CNTLN: variants seen among roughly 807,000 people sequenced by gnomAD.
CNTLN encodes centlein.
In CNTLN, 212 loss-of-function variants were observed where a neutral mutation model predicts 180.0. That is an observed-to-expected ratio of 1.18 (90% CI 1.05 to 1.32). The LOEUF is 1.32. Among genes scored for constraint, CNTLN ranks in the 40% most tolerant of loss-of-function variants. The pLI is 0.00. For missense variants in CNTLN, 2,095 were observed against 1,610.9 expected, an observed-to-expected ratio of 1.30 and a Z score of -5.14; for synonymous variants, 722 against 563.1, an observed-to-expected ratio of 1.28 and a Z score of -3.99.
At position 17,355,705 on chromosome 9, in the gene CNTLN, A is replaced by G. The variant is rs147359346; in HGVS notation, c.1887-10912A>G. 8.7e-3 allele frequency among the ~76,000 whole-genome samples: 1,332 copies of G among 152,358 alleles called. 14 individuals are homozygous for G. Among genetic ancestry groups the G allele is most frequent in the African/African-American group, 0.029 (1,216 of 41,578 alleles). On this transcript the variant is annotated intron_variant, in intron 12 of 25. Transcript: ENST00000380647. The stretch of plus-strand genomic sequence containing the variant: ...TCTGTAGGTTTAGAAAACAGGCAGT[A>G]TGATTATGTGCAATAATTAATGAGA...
At chr9:17,513,055 G>A in the CNTLN span, among the ~76,000 whole-genome samples, 29 of 152,180 alleles carry the variant, frequency 1.9e-4, no homozygotes, top group East Asian at 5.0e-3. Context: ...TCCTGACCTC[G>A]TGATCCGCCC....
At chr9:17,273,627 A>T (rs1183753959) in intron 5 of CNTLN, 106 bp from the exon 6 acceptor site, 4 of 575,156 alleles carry the variant, frequency 7.0e-6, no homozygotes, top group Non-Finnish European at 8.1e-6. Context: ...GAAAAAATTA[A>T]AACTATTTTT....
intron 2 of CNTLN, among the ~76,000 whole-genome samples, chr9:17,179,063 T>TACAA (rs1820940020): frequency 2.0e-5 from 3 of 150,280 alleles, no homozygotes; most frequent in African/African-American, 7.4e-5. Context: ...GCTAAAACGG[T>TACAA]GAAACCCCGT....
intron 11 of CNTLN, among the ~76,000 whole-genome samples, chr9:17,342,026 C>A (rs544302052): frequency 6.6e-6 from 1 of 151,928 alleles, no homozygotes; most frequent in South Asian, 2.1e-4. Context: ...CGGGGGGGAC[C>A]GTTAAAATTC....
the CNTLN span, among the ~76,000 whole-genome samples, chr9:17,527,929 G>C: frequency 1.3e-5 from 2 of 151,788 alleles, no homozygotes; most frequent in African/African-American, 2.4e-5. Flanking sequence ...GCTAAAACTG[G>C]AACAATTTGA....
chr9:17,309,042 A>G lies in CNTLN; in HGVS notation c.1147-16A>G, dbSNP rs761698480. 4.6e-6 allele frequency: 7 copies of G among 1,514,538 alleles called. No individual in the cohort carries two copies. Among genetic ancestry groups the G allele is most frequent in the Non-Finnish European group, 5.3e-6 (6 of 1,124,738 alleles). The allele number at this position is 1,514,538 out of a possible 1,614,324, so 93.8% of individuals were successfully genotyped here. A position where few individuals can be genotyped will look rare whatever the true frequency, so the allele number is the denominator to read the frequency against. ...TATTGATTATTAATATAATTTGGAT[A>G]TATTTTTTGAAACAGCTTTACAATG... On this transcript the variant is annotated splice_polypyrimidine_tract_variant and intron_variant, in intron 7 of 25. Coordinates refer to ENST00000380647, the MANE Select transcript of CNTLN (RefSeq NM_017738.4).
intron 13 of CNTLN, among the ~76,000 whole-genome samples, chr9:17,367,112 T>G (rs1823891948): frequency 6.6e-6 from 1 of 152,164 alleles, no homozygotes; most frequent in Non-Finnish European, 1.5e-5. Flanking sequence ...AAAGACAGTC[T>G]TAAATTACCA....
At chr9:17,201,987 C>T (rs1822564568) in intron 2 of CNTLN, among the ~76,000 whole-genome samples, 1 of 152,106 alleles carries the variant, frequency 6.6e-6, no homozygotes, top group South Asian at 2.1e-4. Flanking sequence ...TATAAATTTC[C>T]TTCTTAACAC....
At chr9:17,167,041 G>A (rs1217642389) in intron 2 of CNTLN, 1 of 214,542 alleles carries the variant, frequency 4.7e-6, no homozygotes, top group Admixed American at 6.2e-5. Flanking sequence ...GTGATAGATT[G>A]TAATGTTTTT....
intron 6 of CNTLN, among the ~76,000 whole-genome samples, chr9:17,285,304 T>G (rs900307568): frequency 2.0e-5 from 3 of 150,712 alleles, no homozygotes; most frequent in Admixed American, 6.6e-5. Flanking sequence ...GATTTCCAAT[T>G]TCATCCATGT....
intron 14 of CNTLN, among the ~76,000 whole-genome samples, chr9:17,394,002 TTTA>T (rs148167546): frequency 0.025 from 3,794 of 152,248 alleles, 103 homozygotes; most frequent in African/African-American, 0.069. Flanking sequence ...ATTGTTAGAC[TTTA>T]TTATTTAGTA....
chr9:17,525,705 T>C, the CNTLN span, among the ~76,000 whole-genome samples: 2 of 152,124 alleles, frequency 1.3e-5, no homozygotes, highest in Non-Finnish European at 2.9e-5. Flanking sequence ...ATAAAAAATA[T>C]GTTAGCTAAT....
chr9:17,221,511 CA>C (rs1824134490), intron 2 of CNTLN, among the ~76,000 whole-genome samples: 1 of 151,982 alleles, frequency 6.6e-6, no homozygotes, highest in South Asian at 2.1e-4. Context: ...AGATAAAGTG[CA>C]AATGGTAAAA....
rs60102156 is a variant in CNTLN at position 17,318,838 on chromosome 9, TTCCATCCATCCATCCATCCATCCA to T, written c.1341+9604_1341+9627del. Among the ~76,000 whole-genome samples, 790 of 151,424 alleles carry T rather than the reference TTCCATCCATCCATCCATCCATCCA, an allele frequency of 5.2e-3. 5 individuals carry two copies. Among genetic ancestry groups the T allele is most frequent in the Admixed American group, 8.3e-3 (126 of 15,222 alleles). On this transcript the variant is annotated intron_variant, in intron 8 of 25. Coordinates refer to ENST00000380647, the MANE Select transcript of CNTLN (RefSeq NM_017738.4). ...GACTCACCTCTTCATCCATCCTTTA[TTCCATCCATCCATCCATCCATCCA>T]TCCATCCATCCATCCATTAAACCTT...
intron 2 of CNTLN, among the ~76,000 whole-genome samples, chr9:17,216,913 C>G (rs1277941485): frequency 1.3e-5 from 2 of 152,218 alleles, no homozygotes; most frequent in Non-Finnish European, 2.9e-5. Context: ...TGCTGCCAGG[C>G]AGTTCCACCC....
At chr9:17,289,099 AGTC>A (rs1829189244) in intron 6 of CNTLN, among the ~76,000 whole-genome samples, 1 of 119,170 alleles carries the variant, frequency 8.4e-6, no homozygotes, top group African/African-American at 3.8e-5. Context: ...GTTTCTTCCT[AGTC>A]TCCATGGTCT....
rs1232959305 is a variant in CNTLN, at chr9:17,289,516, T to C, written c.984-8674T>C. Among the ~76,000 whole-genome samples the C allele has an allele frequency of 2.2e-5, 3 of 137,762 alleles. 1 individual carries two copies. Among genetic ancestry groups the C allele is most frequent in the Non-Finnish European group, 3.0e-5 (2 of 65,858 alleles). The allele number at this position is 137,762 out of a possible 152,430, so 90.4% of individuals were successfully genotyped here. ...AGTTGCTCTTCTGGAGGAGTGTCTT[T>C]GTGGCGTTCTCTGTATTTCCTGAAT... On this transcript the variant is annotated intron_variant, in intron 6 of 25. Coordinates refer to ENST00000380647, the MANE Select transcript of CNTLN (RefSeq NM_017738.4).
At chr9:17,519,385 A>T in the CNTLN span, among the ~76,000 whole-genome samples, 1 of 152,206 alleles carries the variant, frequency 6.6e-6, no homozygotes, top group African/African-American at 2.4e-5. Flanking sequence ...AAGGGAAAAT[A>T]AAAACTCCAA....
At chr9:17,397,412 T>C (rs1265866849) in intron 15 of CNTLN, among the ~76,000 whole-genome samples, 1 of 152,226 alleles carries the variant, frequency 6.6e-6, no homozygotes, top group African/African-American at 2.4e-5. Flanking sequence ...TATTCATGCC[T>C]CCCCTTTTTA....
Sources: allele counts gnomAD v4.1 joint callset (sites outside exome capture counted in the v4.1 genomes callset), GRCh38; gene constraint gnomAD v4.1.1; transcripts MANE v1.5; gene names NCBI Gene and HGNC (gene_info 2026-07-23, HGNC 2026-07-21).